Variants in GALNT13 observed in about 807,000 individuals in gnomAD.
GALNT13 encodes polypeptide N-acetylgalactosaminyltransferase 13.
A neutral mutation model predicts 64.2 loss-of-function variants in GALNT13; 28 were observed. That is an observed-to-expected ratio of 0.44 (90% CI 0.32 to 0.60). The LOEUF is 0.60. Ranked by LOEUF, GALNT13 falls within the 20% of genes least tolerant of loss-of-function variation. The pLI, the probability that GALNT13 is intolerant of heterozygous loss-of-function variation, is 0.05. For missense variants in GALNT13, 577 were observed against 669.8 expected, an observed-to-expected ratio of 0.86 and a Z score of 1.53; for synonymous variants, 214 against 224.6, an observed-to-expected ratio of 0.95 and a Z score of 0.42.
the GALNT13 span, among the ~76,000 whole-genome samples, chr2:153,784,043 T>G: frequency 6.6e-6 from 1 of 152,146 alleles, no homozygotes; most frequent in Admixed American, 6.5e-5. Context: ...ACTTTGGAAC[T>G]GGGTAACAGG....
chr2:153,947,043 T>C (rs940352401), intron 3 of GALNT13, among the ~76,000 whole-genome samples: 1 of 152,116 alleles, frequency 6.6e-6, no homozygotes, highest in Non-Finnish European at 1.5e-5. Context: ...ATCTCCATTA[T>C]TAAAGCAAAG....
intron 10 of GALNT13, among the ~76,000 whole-genome samples, chr2:154,398,278 G>C (rs1395837711): frequency 2.6e-5 from 4 of 152,124 alleles, no homozygotes; most frequent in Non-Finnish European, 2.9e-5. Flanking sequence ...GGCTATAACA[G>C]GACAGAAATG....
chr2:153,366,358 T>C, the GALNT13 span, among the ~76,000 whole-genome samples: 924 of 152,100 alleles, frequency 6.1e-3, 5 homozygotes, highest in Middle Eastern at 0.014. Context: ...ATTTACCATG[T>C]AACAAACCTG....
At chr2:153,517,012 T>C in the GALNT13 span, among the ~76,000 whole-genome samples, 1 of 152,110 alleles carries the variant, frequency 6.6e-6, no homozygotes, top group Non-Finnish European at 1.5e-5. Context: ...GTTCTTAGTA[T>C]GTGTGTCCCA....
chr2:153,899,721 C>A (rs975936587), intron 1 of GALNT13, among the ~76,000 whole-genome samples: 1 of 151,898 alleles, frequency 6.6e-6, no homozygotes, highest in Non-Finnish European at 1.5e-5. Context: ...AAAAGCACAA[C>A]CTCTGTATTA....
chr2:153,279,306 G>A, the GALNT13 span, among the ~76,000 whole-genome samples: 1 of 152,252 alleles, frequency 6.6e-6, no homozygotes, highest in East Asian at 1.9e-4. Flanking sequence ...TCAGTGAAGA[G>A]AGGTAGTTCC....
the GALNT13 span, among the ~76,000 whole-genome samples, chr2:153,703,613 G>C: frequency 6.6e-6 from 1 of 151,898 alleles, no homozygotes; most frequent in Non-Finnish European, 1.5e-5. Context: ...CTCTTGTTAG[G>C]ATTTTATTAC....
the GALNT13 span, among the ~76,000 whole-genome samples, chr2:153,294,060 C>T: frequency 6.6e-6 from 1 of 151,322 alleles, no homozygotes; most frequent in African/African-American, 2.5e-5. Context: ...GGGCTTAAAG[C>T]AATTTACCTG....
chr2:153,505,676 G>T, the GALNT13 span, among the ~76,000 whole-genome samples: 1 of 151,978 alleles, frequency 6.6e-6, no homozygotes, highest in Non-Finnish European at 1.5e-5. Context: ...TGAGGGTTTT[G>T]TTAGGAGTTA....
At chr2:153,435,195 T>G in the GALNT13 span, among the ~76,000 whole-genome samples, 11 of 152,062 alleles carry the variant, frequency 7.2e-5, no homozygotes, top group Admixed American at 6.6e-4. Context: ...CTGTATCTGC[T>G]TTGGTACCAG....
At chr2:154,317,737 T>G (rs1694401328) in intron 9 of GALNT13, among the ~76,000 whole-genome samples, 1 of 152,098 alleles carries the variant, frequency 6.6e-6, no homozygotes, top group Non-Finnish European at 1.5e-5. Context: ...ATATAGCTCC[T>G]CCATTCACTC....
At chr2:153,874,965 A>G (rs1686256322) in intron 1 of GALNT13, among the ~76,000 whole-genome samples, 1 of 152,136 alleles carries the variant, frequency 6.6e-6, no homozygotes, top group Admixed American at 6.5e-5. Flanking sequence ...TTTTGGGTGA[A>G]TACTTTCATG....
the GALNT13 span, among the ~76,000 whole-genome samples, chr2:153,262,929 T>C: frequency 6.6e-6 from 1 of 151,990 alleles, no homozygotes; most frequent in Admixed American, 6.6e-5. Context: ...CTATTCAACA[T>C]AGTATTGGAA....
chr2:153,955,617 G>T (rs1461732825), intron 3 of GALNT13, among the ~76,000 whole-genome samples: 1 of 152,180 alleles, frequency 6.6e-6, no homozygotes, highest in African/African-American at 2.4e-5. Context: ...ATCACTGATG[G>T]TTTCTCTAAA....
the GALNT13 span, among the ~76,000 whole-genome samples, chr2:153,248,758 G>A: frequency 3.4e-5 from 5 of 148,786 alleles, no homozygotes; most frequent in Admixed American, 6.8e-5. Context: ...GGAGCTTGCA[G>A]TGAGCGGAGA....
At chr2:153,392,638 G>A in the GALNT13 span, among the ~76,000 whole-genome samples, 6 of 151,920 alleles carry the variant, frequency 3.9e-5, no homozygotes, top group Non-Finnish European at 7.4e-5. Flanking sequence ...CTTCCTCTGG[G>A]GAGATCAGTC....
At chr2:154,359,604 A>G (rs1559111939) in intron 9 of GALNT13, among the ~76,000 whole-genome samples, 1 of 152,240 alleles carries the variant, frequency 6.6e-6, no homozygotes, top group East Asian at 1.9e-4. Flanking sequence ...ATCTGATACA[A>G]TGTAAGACAA....
chr2:154,252,449 C>T (rs1037325982), intron 7 of GALNT13, among the ~76,000 whole-genome samples: 7 of 151,678 alleles, frequency 4.6e-5, no homozygotes, highest in Admixed American at 1.3e-4. Context: ...CTCCGCCTCC[C>T]GGATTCACGC....
At chr2:154,130,582 G>A (rs1682553183) in intron 3 of GALNT13, among the ~76,000 whole-genome samples, 1 of 152,060 alleles carries the variant, frequency 6.6e-6, no homozygotes, top group Non-Finnish European at 1.5e-5. Flanking sequence ...GGACTTGTTA[G>A]AGCCTGCTAA....
Sources: gnomAD v4.1 joint callset for allele counts (sites outside exome capture counted in the v4.1 genomes callset) on GRCh38, gnomAD v4.1.1 for gene constraint, MANE v1.5 for transcripts, NCBI Gene and HGNC (gene_info 2026-07-23, HGNC 2026-07-21) for gene names.